Variants in LYPLAL1 observed in about 807,000 individuals in gnomAD.
LYPLAL1 encodes lysophospholipase like 1.
In LYPLAL1, 23 loss-of-function variants were observed where a neutral mutation model predicts 19.7. The observed-to-expected ratio is 1.17, with a 90% CI of 0.84 to 1.65. The LOEUF is 1.65. Ranked by LOEUF, LYPLAL1 falls within the 40% of genes most tolerant of loss-of-function variation. The pLI, the probability that LYPLAL1 is intolerant of heterozygous loss-of-function variation, is 0.00. For missense variants in LYPLAL1, 355 were observed against 279.4 expected (o/e 1.27, Z -1.93); for synonymous variants, 119 against 96.3 (o/e 1.24, Z -1.38).
the LYPLAL1 span, among the ~76,000 whole-genome samples, chr1:219,281,344 A>G: frequency 6.6e-6 from 1 of 152,216 alleles, no homozygotes; most frequent in Non-Finnish European, 1.5e-5. Flanking sequence ...GAAAAAGACA[A>G]TAGTACATAA....
At chr1:219,438,154 T>C in the LYPLAL1 span, among the ~76,000 whole-genome samples, 4 of 152,206 alleles carry the variant, frequency 2.6e-5, no homozygotes, top group Admixed American at 2.0e-4. Context: ...AATTACCCTT[T>C]ACTTCCTATC....
chr1:219,288,437 A>G, the LYPLAL1 span, among the ~76,000 whole-genome samples: 1 of 152,322 alleles, frequency 6.6e-6, no homozygotes, highest in Middle Eastern at 3.4e-3. Context: ...ATCAGTTAAA[A>G]GAAAAAGATC....
chr1:219,365,911 A>C, the LYPLAL1 span, among the ~76,000 whole-genome samples: 1 of 152,140 alleles, frequency 6.6e-6, no homozygotes, highest in African/African-American at 2.4e-5. Flanking sequence ...CCATCTATTC[A>C]ATATCTGAAG....
the LYPLAL1 span, among the ~76,000 whole-genome samples, chr1:219,379,759 A>G: frequency 6.6e-6 from 1 of 152,224 alleles, no homozygotes; most frequent in Non-Finnish European, 1.5e-5. Context: ...GTTTGAGACT[A>G]CCTTAATGGA....
the LYPLAL1 span, among the ~76,000 whole-genome samples, chr1:219,306,714 ATAGG>A: frequency 6.7e-6 from 1 of 149,572 alleles, no homozygotes; most frequent in South Asian, 2.1e-4. Context: ...CTTAAGATAT[ATAGG>A]TAGGTAGGTA....
intron 2 of LYPLAL1, among the ~76,000 whole-genome samples, chr1:219,184,321 A>G (rs148329932): frequency 0.019 from 2,902 of 151,990 alleles, 49 homozygotes; most frequent in Non-Finnish European, 0.029. Flanking sequence ...CTTAATTTTC[A>G]AATTGTTGCT....
the LYPLAL1 span, among the ~76,000 whole-genome samples, chr1:219,267,951 T>C: frequency 6.6e-6 from 1 of 152,198 alleles, no homozygotes. Context: ...GATATGTAGC[T>C]TGGTTTAGGA....
At chr1:219,313,689 C>A in the LYPLAL1 span, among the ~76,000 whole-genome samples, 1 of 151,994 alleles carries the variant, frequency 6.6e-6, no homozygotes, top group Non-Finnish European at 1.5e-5. Flanking sequence ...TGCCCACCAC[C>A]ACACTCAGTT....
At chr1:219,257,153 T>G in the LYPLAL1 span, among the ~76,000 whole-genome samples, 1 of 152,008 alleles carries the variant, frequency 6.6e-6, no homozygotes, top group Non-Finnish European at 1.5e-5. Context: ...TGTGTTAAAG[T>G]CTCTGCTATG....
downstream of LYPLAL1, among the ~76,000 whole-genome samples, chr1:219,216,155 G>A (rs1423510491): frequency 6.6e-6 from 1 of 151,626 alleles, no homozygotes; most frequent in Admixed American, 6.6e-5. Context: ...TATATAATAG[G>A]CTTAATCTCT....
chr1:219,310,753 GA>G, the LYPLAL1 span, among the ~76,000 whole-genome samples: 114 of 152,312 alleles, frequency 7.5e-4, no homozygotes, highest in African/African-American at 2.6e-3. Flanking sequence ...ACCCCTATGG[GA>G]AAAACGAACA....
chr1:219,270,982 G>C, the LYPLAL1 span: 2,498 of 152,472 alleles, frequency 0.016, 18 homozygotes, highest in Non-Finnish European at 0.023. Context: ...CTTGGCTCTT[G>C]TTGCCCAGGC....
At chr1:219,255,991 T>C in the LYPLAL1 span, among the ~76,000 whole-genome samples, 1 of 152,008 alleles carries the variant, frequency 6.6e-6, no homozygotes, top group African/African-American at 2.4e-5. Context: ...TATTTAGGAA[T>C]TTTTTCATCT....
At chr1:219,439,988 TATAC>T in the LYPLAL1 span, among the ~76,000 whole-genome samples, 5,963 of 65,628 alleles carry the variant, frequency 0.091, 366 homozygotes, top group African/African-American at 0.24. Flanking sequence ...TATATATATA[TATAC>T]ACACATATAT....
chr1:219,290,968 T>C, the LYPLAL1 span, among the ~76,000 whole-genome samples: 3 of 152,340 alleles, frequency 2.0e-5, no homozygotes, highest in South Asian at 2.1e-4. Context: ...CTATATCTAC[T>C]ATTACTGGCT....
chr1:219,249,876 A>G, the LYPLAL1 span, among the ~76,000 whole-genome samples: 3 of 151,780 alleles, frequency 2.0e-5, no homozygotes, highest in Non-Finnish European at 4.4e-5. Context: ...TCCATTTCCC[A>G]TTTGCTTTTT....
the LYPLAL1 span, among the ~76,000 whole-genome samples, chr1:219,224,915 A>G: frequency 2.6e-5 from 4 of 152,078 alleles, no homozygotes; most frequent in Non-Finnish European, 5.9e-5. Context: ...TATCTTTTCC[A>G]TATCTTTATA....
the LYPLAL1 span, among the ~76,000 whole-genome samples, chr1:219,348,707 G>A: frequency 6.6e-6 from 1 of 152,148 alleles, no homozygotes; most frequent in East Asian, 1.9e-4. Context: ...GAGCCAGAGA[G>A]TGTGCATGAA....
intron 3 of LYPLAL1, among the ~76,000 whole-genome samples, chr1:219,209,246 G>A (rs1658809552): frequency 2.6e-5 from 4 of 152,026 alleles, no homozygotes; most frequent in South Asian, 2.1e-4. Flanking sequence ...TACATAGTGT[G>A]CCTTTTTTAA....
Sources: gnomAD v4.1 joint callset for allele counts (sites outside exome capture counted in the v4.1 genomes callset) on GRCh38, gnomAD v4.1.1 for gene constraint, MANE v1.5 for transcripts, NCBI Gene and HGNC (gene_info 2026-07-23, HGNC 2026-07-21) for gene names.